Variants in ZNF804A observed in about 807,000 individuals in gnomAD.
The protein encoded by ZNF804A is zinc finger protein 804A.
A neutral mutation model predicts 16.5 loss-of-function variants in ZNF804A; 2 were observed. The observed-to-expected ratio is 0.12, with a 90% CI of 0.05 to 0.38. The LOEUF (loss-of-function observed/expected upper bound fraction) is 0.38. Among genes scored for constraint, ZNF804A ranks in the 10% least tolerant of loss-of-function variants. ZNF804A has a pLI of 0.99. For synonymous variants in ZNF804A, 534 were observed against 489.6 expected, an observed-to-expected ratio of 1.09 and a Z score of -1.20; for missense variants, 1,473 against 1,390.7, an observed-to-expected ratio of 1.06 and a Z score of -0.94.
intron 1 of ZNF804A, among the ~76,000 whole-genome samples, chr2:184,827,353 A>G (rs1208944020): frequency 6.7e-6 from 1 of 149,598 alleles, no homozygotes; most frequent in Non-Finnish European, 1.5e-5. Context: ...TTTTAAAATC[A>G]ACATTGGAGG....
At chr2:184,733,153 G>A (rs10165487) in intron 1 of ZNF804A, among the ~76,000 whole-genome samples, 1,776 of 152,224 alleles carry the variant, frequency 0.012, 38 homozygotes, top group African/African-American at 0.041. Flanking sequence ...TATGATGCTA[G>A]CTATAGATTT....
chr2:184,627,738 A>G (rs1691528602), intron 1 of ZNF804A, among the ~76,000 whole-genome samples: 1 of 152,240 alleles, frequency 6.6e-6, no homozygotes, highest in African/African-American at 2.4e-5. Flanking sequence ...TAGATTGCAT[A>G]GGTAGCTAAG....
intron 2 of ZNF804A, among the ~76,000 whole-genome samples, chr2:184,908,046 G>A (rs1685303333): frequency 6.6e-6 from 1 of 151,964 alleles, no homozygotes; most frequent in Non-Finnish European, 1.5e-5. Context: ...TATATCTTGG[G>A]TACTATATTA....
Position 184,612,477 on chromosome 2 carries a change from T to A in ZNF804A, c.111+13407T>A, listed in dbSNP as rs554668026. ...GGGGGGGACGGAGTCTTGCTCTTGT[T>A]GCCCAGGCTGGAGTGCAGTGGTGTG... On this transcript the variant is annotated intron_variant, in intron 1 of 3. Coordinates refer to ENST00000302277, the MANE Select transcript of ZNF804A (RefSeq NM_194250.2). Among the ~76,000 whole-genome samples the A allele has an allele frequency of 1.3e-4, 20 of 151,858 alleles. No individual in the cohort carries two copies. In the East Asian group the frequency reaches 3.3e-3, roughly 25 times the overall value.
At chr2:184,866,308 T>A in intron 1 of ZNF804A, 61 bp from the exon 2 acceptor site, 2 of 1,554,920 alleles carry the variant, frequency 1.3e-6, no homozygotes, top group East Asian at 4.6e-5. Flanking sequence ...TGACAACTGC[T>A]AAAACAAAGT....
At chr2:184,908,772 A>G (rs949071774) in intron 2 of ZNF804A, among the ~76,000 whole-genome samples, 9 of 152,136 alleles carry the variant, frequency 5.9e-5, no homozygotes, top group Non-Finnish European at 4.4e-5. Context: ...AAACAACTCT[A>G]CAATTTCTTC....
intron 3 of ZNF804A, among the ~76,000 whole-genome samples, chr2:184,935,019 C>T (rs1685762335): frequency 1.3e-5 from 2 of 152,102 alleles, no homozygotes; most frequent in Admixed American, 1.3e-4. Context: ...TTTCTTCACA[C>T]AGAGTTCTGC....
At chr2:184,886,340 G>A (rs1684890329) in intron 2 of ZNF804A, among the ~76,000 whole-genome samples, 1 of 152,218 alleles carries the variant, frequency 6.6e-6, no homozygotes. Context: ...GTTGGGTACA[G>A]CCTCCCTCCC....
At chr2:184,861,215 T>G (rs1695795934) in intron 1 of ZNF804A, among the ~76,000 whole-genome samples, 1 of 152,188 alleles carries the variant, frequency 6.6e-6, no homozygotes, top group East Asian at 1.9e-4. Context: ...CTTCCTCATG[T>G]GGAAAATATA....
chr2:184,768,347 A>C (rs939295937), intron 1 of ZNF804A, among the ~76,000 whole-genome samples: 1 of 152,066 alleles, frequency 6.6e-6, no homozygotes, highest in African/African-American at 2.4e-5. Flanking sequence ...AAAGACCACT[A>C]TACTGCAATG....
intron 1 of ZNF804A, among the ~76,000 whole-genome samples, chr2:184,812,918 G>A (rs1451752442): frequency 6.6e-6 from 1 of 151,972 alleles, no homozygotes; most frequent in African/African-American, 2.4e-5. Flanking sequence ...ATAATAACTC[G>A]TGAAAAACAA....
intron 1 of ZNF804A, among the ~76,000 whole-genome samples, chr2:184,658,238 C>G (rs1049932536): frequency 1.3e-5 from 2 of 152,162 alleles, no homozygotes. Flanking sequence ...AATCCCTGCA[C>G]TTTGGGAGGC....
chr2:184,712,749 A>C (rs901485903), intron 1 of ZNF804A, among the ~76,000 whole-genome samples: 1 of 151,434 alleles, frequency 6.6e-6, no homozygotes, highest in Non-Finnish European at 1.5e-5. Flanking sequence ...TATAATTTCT[A>C]ATGACCTTCA....
intron 2 of ZNF804A, among the ~76,000 whole-genome samples, chr2:184,899,249 G>A (rs1486604557): frequency 2.0e-5 from 3 of 151,928 alleles, no homozygotes; most frequent in African/African-American, 4.8e-5. Flanking sequence ...ACTATTTGCA[G>A]GCATCAAATC....
intron 1 of ZNF804A, among the ~76,000 whole-genome samples, chr2:184,698,133 A>G (rs756793927): frequency 6.6e-6 from 1 of 152,068 alleles, no homozygotes. Flanking sequence ...AATTCATTCA[A>G]AATGGGGACT....
chr2:184,804,493 G>A, intron 1 of ZNF804A, among the ~76,000 whole-genome samples: 1 of 152,114 alleles, frequency 6.6e-6, no homozygotes, highest in East Asian at 1.9e-4. Flanking sequence ...AGAATCTCAG[G>A]TCCCACACTC....
At chr2:184,732,512 T>C (rs1395320088) in intron 1 of ZNF804A, among the ~76,000 whole-genome samples, 1 of 152,154 alleles carries the variant, frequency 6.6e-6, no homozygotes, top group Non-Finnish European at 1.5e-5. Context: ...GTGTTGGCTA[T>C]TCTGTGTCTT....
intron 1 of ZNF804A, among the ~76,000 whole-genome samples, chr2:184,825,148 G>GTAC (rs1695139165): frequency 6.6e-6 from 1 of 152,006 alleles, no homozygotes; most frequent in African/African-American, 2.4e-5. Flanking sequence ...AAGGAAACAG[G>GTAC]TATCAGTCAT....
chr2:184,938,186 C>A lies in ZNF804A; in HGVS notation c.2790C>A (p.Asp930Glu). Reference protein sequence around the residue: ...VASAPTKEAIDNTLLEHKERS... With the variant: ...VASAPTKEAIENTLLEHKERS... ...GTGCCCCAACAAAAGAAGCAATTGACAATACCCTGCTTGAACACAAAGAAA... is the reference window on the plus strand; with the variant it reads ...GTGCCCCAACAAAAGAAGCAATTGAAAATACCCTGCTTGAACACAAAGAAA... Residue 930 changes from aspartate (D) to glutamate (E), a missense_variant, in exon 4 of 4, where the codon GAC becomes GAA. Physicochemically the swap from Asp to Glu is conservative, Grantham distance 45. Transcript: ENST00000302277. The A allele has an allele frequency of 2.5e-6, 4 of 1,614,108 alleles. No individual in the cohort carries two copies. The highest frequency in any genetic ancestry group is 3.4e-6 in the Non-Finnish European group (4 of 1,180,018).
Sources: allele counts gnomAD v4.1 joint callset (sites outside exome capture counted in the v4.1 genomes callset), GRCh38; gene constraint gnomAD v4.1.1; transcripts MANE v1.5; gene names NCBI Gene and HGNC (gene_info 2026-07-23, HGNC 2026-07-21).